The following BORA variants were observed in gnomAD, a reference collection of about 807,000 sequenced individuals.
The protein encoded by BORA is BORA aurora kinase A activator, also known as protein aurora borealis.
Under a neutral mutation model 55.8 loss-of-function variants are expected in BORA, and 26 were observed. That is an observed-to-expected ratio of 0.47 (90% CI 0.34 to 0.65). The LOEUF is 0.65. Ranked by LOEUF, BORA falls within the 30% of genes least tolerant of loss-of-function variation. The pLI is 0.01. For missense variants in BORA, 568 were observed against 671.5 expected, an observed-to-expected ratio of 0.85 and a Z score of 1.70; for synonymous variants, 201 against 216.9, an observed-to-expected ratio of 0.93 and a Z score of 0.64.
intron 9 of BORA, 61 bp downstream of exon 9, chr13:72,746,137 G>A: frequency 2.1e-6 from 3 of 1,429,554 alleles, no homozygotes; most frequent in Non-Finnish European, 2.9e-6. Context: ...TGTTATTAGA[G>A]AGGTTCTTTT....
chr13:72,745,341 G>C, intron 8 of BORA, 134 bp downstream of exon 8: 1 of 720,222 alleles, frequency 1.4e-6, no homozygotes. Flanking sequence ...AAGTGGAAAA[G>C]AGGGATGAGG....
intron 2 of BORA, 111 bp downstream of exon 2, chr13:72,729,204 G>C (rs560211388): frequency 1.2e-6 from 1 of 867,684 alleles, no homozygotes; most frequent in East Asian, 2.9e-5. Context: ...ACATTATGGA[G>C]CATATATAGC....
intron 10 of BORA, among the ~76,000 whole-genome samples, chr13:72,748,980 T>C (rs1286889661): frequency 6.6e-6 from 1 of 152,188 alleles, no homozygotes; most frequent in Admixed American, 6.5e-5. Flanking sequence ...GGTAAAAATA[T>C]GTTATGTGAT....
chr13:72,738,085 C>T lies in BORA; in HGVS notation c.388+42C>T, dbSNP rs776991585. The T allele has an allele frequency of 1.5e-5, 22 of 1,438,112 alleles. No homozygotes were observed. The East Asian group carries it at 3.4e-4, about 22-fold the overall frequency. 89.1% of individuals were successfully genotyped at this position (1,438,112 alleles called of 1,614,324 possible). A position where few individuals can be genotyped will look rare whatever the true frequency, so the allele number is the denominator to read the frequency against. On this transcript the variant is annotated intron_variant, in intron 5 of 11. Coordinates refer to ENST00000390667, the MANE Select transcript of BORA (RefSeq NM_024808.5). The stretch of plus-strand genomic sequence containing the variant: ...TGATATGAATAAAAATCAAAAAAGT[C>T]GGTGAATATAAAGCAACATATCATG...
In BORA at chr13:72,755,183, A is replaced by C. The variant is rs772543271; in HGVS notation, c.1647A>C (p.Lys549Asn). Residue 549 changes from lysine to asparagine, a missense_variant, in exon 12 of 12, where the codon AAA (lysine) becomes AAC (asparagine). Coordinates refer to ENST00000390667, the MANE Select transcript of BORA (RefSeq NM_024808.5). ...QDHTTQRCWM[K>N]TASPFQCSSP is the part of the protein sequence containing the mutation. ...ACACAACACAGAGGTGTTGGATGAA[A>C]ACAGCAAGCCCTTTTCAATGCAGCA... is the stretch of plus-strand genomic sequence containing the variant. 17 of 1,613,714 alleles carry C rather than the reference A, an allele frequency of 1.1e-5. No homozygotes were observed. Among genetic ancestry groups the C allele is most frequent in the Non-Finnish European group, 1.4e-5 (16 of 1,179,904 alleles).
At chr13:72,731,432 T>C in intron 3 of BORA, 45 bp downstream of exon 3, 1 of 1,325,284 alleles carries the variant, frequency 7.5e-7, no homozygotes, top group Non-Finnish European at 1.1e-6. Context: ...CACTCTCAAG[T>C]GAAGAGAGGT....
intron 5 of BORA, among the ~76,000 whole-genome samples, chr13:72,739,727 T>C (rs1249214406): frequency 6.6e-6 from 1 of 152,082 alleles, no homozygotes; most frequent in Non-Finnish European, 1.5e-5. Context: ...TTTAGAATCT[T>C]TTAAGATAGA....
chr13:72,732,839 G>A (rs1479023803), intron 3 of BORA, among the ~76,000 whole-genome samples: 1 of 152,012 alleles, frequency 6.6e-6, no homozygotes, highest in African/African-American at 2.4e-5. Context: ...TTGAATGATG[G>A]ACAATTATTA....
At chr13:72,729,235 T>C in intron 2 of BORA, 142 bp downstream of exon 2, 1 of 761,442 alleles carries the variant, frequency 1.3e-6, no homozygotes, top group Non-Finnish European at 1.9e-6. Flanking sequence ...TTTTTTAAAT[T>C]GTAGTGTTCA....
chr13:72,734,067 A>C (rs2032870638), intron 3 of BORA, among the ~76,000 whole-genome samples: 3 of 152,152 alleles, frequency 2.0e-5, no homozygotes, highest in Non-Finnish European at 4.4e-5. Flanking sequence ...GGGTGAGAGG[A>C]GGGAGATCAG....
chr13:72,734,275 C>G (rs1196874686), intron 3 of BORA, among the ~76,000 whole-genome samples: 4 of 151,850 alleles, frequency 2.6e-5, no homozygotes, highest in African/African-American at 9.7e-5. Context: ...TGATGGAAGG[C>G]AAGGATTCTT....
rs2033444450 is a variant in BORA, at chr13:72,755,700, A to G, written c.*484A>G. On this transcript the variant is annotated 3_prime_UTR_variant, in exon 12 of 12. Coordinates refer to ENST00000390667, the MANE Select transcript of BORA (RefSeq NM_024808.5). Reference sequence around the variant, plus strand: ...TTCAAAGATACAAAAGAAATTAAACAGGTTTCCTGAAATTTTAGTTCTTGG... The same window carrying G: ...TTCAAAGATACAAAAGAAATTAAACGGGTTTCCTGAAATTTTAGTTCTTGG... The G allele has an allele frequency of 2.5e-6, 1 of 396,284 alleles. No homozygotes were observed. The highest frequency in any genetic ancestry group is 4.4e-6 in the Non-Finnish European group (1 of 225,158). 24.5% of individuals were successfully genotyped at this position (396,284 alleles called of 1,614,324 possible).
chr13:72,737,792 T>C (rs1047275949), intron 4 of BORA, among the ~76,000 whole-genome samples, 170 bp from the exon 5 acceptor site: 3 of 152,216 alleles, frequency 2.0e-5, no homozygotes, highest in South Asian at 2.1e-4. Context: ...TTCCTCTTTA[T>C]ATATACTTTA....
intron 1 of BORA, among the ~76,000 whole-genome samples, chr13:72,728,553 TA>T (rs895711649): frequency 1.2e-4 from 19 of 152,072 alleles, no homozygotes; most frequent in Non-Finnish European, 2.5e-4. Context: ...ATGATGAATT[TA>T]AAAAAAATTG....
rs2033080050 is a variant in BORA at position 72,743,577 on chromosome 13, G to A, written c.429G>A (p.Leu143=). The A allele has an allele frequency of 6.2e-7, 1 of 1,609,956 alleles. No homozygotes were observed. The highest frequency in any genetic ancestry group is 1.4e-5 in the African/African-American group (1 of 73,856). The part of the protein sequence containing the change: ...INSDSPVGKK[L]TIHSEKSDAA... ...GTGACTCTCCAGTTGGAAAAAAGCT[G>A]ACCATTCATTCTGAGAAAAGCGATG... The change falls in exon 6 of 12, where the codon CTG becomes CTA. Residue 143 remains leucine, a synonymous_variant. Transcript: ENST00000390667.
At chr13:72,744,614 T>G (rs1034111913) in intron 7 of BORA, 53 bp downstream of exon 7, 14 of 1,400,182 alleles carry the variant, frequency 1.0e-5, no homozygotes, top group African/African-American at 2.9e-5. Flanking sequence ...AGGTTTTGTT[T>G]GGCTGGCTTT....
intron 5 of BORA, 52 bp from the exon 6 acceptor site, chr13:72,743,485 A>G: frequency 7.6e-7 from 1 of 1,316,160 alleles, no homozygotes; most frequent in Admixed American, 2.4e-5. Context: ...AGTAATGCTA[A>G]AGCAAATGAA....
intron 3 of BORA, among the ~76,000 whole-genome samples, chr13:72,732,784 C>T (rs2032846215): frequency 6.6e-6 from 1 of 152,068 alleles, no homozygotes; most frequent in Non-Finnish European, 1.5e-5. Context: ...TTGTTTCACA[C>T]GAACTTAATT....
At chr13:72,748,129 T>A (rs2033191098) in intron 10 of BORA, among the ~76,000 whole-genome samples, 2 of 152,188 alleles carry the variant, frequency 1.3e-5, no homozygotes, top group Non-Finnish European at 2.9e-5. Flanking sequence ...ATGTGCCAAG[T>A]CCTATTCTGA....
Sources: gnomAD v4.1 joint callset for allele counts (sites outside exome capture counted in the v4.1 genomes callset) on GRCh38, gnomAD v4.1.1 for gene constraint, MANE v1.5 for transcripts, NCBI Gene and HGNC (gene_info 2026-07-23, HGNC 2026-07-21) for gene names.